PPP2R2D: variants seen among roughly 807,000 people sequenced by gnomAD.
PPP2R2D encodes the protein serine/threonine-protein phosphatase 2A 55 kDa regulatory subunit B delta isoform.
In PPP2R2D, 9 loss-of-function variants were observed where a neutral mutation model predicts 31.1. The ratio of observed to expected loss-of-function variants is 0.29; its 90% CI spans 0.17 to 0.51. PPP2R2D has a LOEUF of 0.51. Among genes scored for constraint, PPP2R2D ranks in the 20% least tolerant of loss-of-function variants. The pLI, the probability that PPP2R2D is intolerant of heterozygous loss-of-function variation, is 0.98. For missense variants in PPP2R2D, 391 were observed against 465.6 expected (o/e 0.84, Z 1.48); for synonymous variants, 179 against 172.6 (o/e 1.04, Z -0.29).
At chr10:131,930,506 T>G (rs1441467928) in intron 2 of PPP2R2D, among the ~76,000 whole-genome samples, 1 of 152,256 alleles carries the variant, frequency 6.6e-6, no homozygotes, top group African/African-American at 2.4e-5. Flanking sequence ...TTCGAAAACA[T>G]TTTTACTGCT....
intron 3 of PPP2R2D, among the ~76,000 whole-genome samples, chr10:131,938,123 A>C (rs2036377325): frequency 6.6e-6 from 1 of 152,058 alleles, no homozygotes; most frequent in African/African-American, 2.4e-5. Flanking sequence ...CTGCCCGTGG[A>C]GGCTTCGGTG....
intron 2 of PPP2R2D, among the ~76,000 whole-genome samples, chr10:131,916,322 A>G (rs1292634652): frequency 7.7e-6 from 1 of 130,054 alleles, no homozygotes; most frequent in African/African-American, 3.1e-5. Context: ...AGGTTGGCAT[A>G]GATTGGGATT....
intron 2 of PPP2R2D, among the ~76,000 whole-genome samples, chr10:131,918,292 G>A (rs1412180202): frequency 6.7e-6 from 1 of 149,330 alleles, no homozygotes; most frequent in African/African-American, 2.5e-5. Flanking sequence ...CGGGTGGAAT[G>A]ACACGGTGTA....
chr10:131,909,020 A>T (rs2035642220), intron 2 of PPP2R2D, among the ~76,000 whole-genome samples: 3 of 152,254 alleles, frequency 2.0e-5, no homozygotes, highest in Non-Finnish European at 4.4e-5. Context: ...GGACCAGAGC[A>T]CACTGAGGCA....
At chr10:131,970,861 C>G in the PPP2R2D span, 4 of 1,614,246 alleles carry the variant, frequency 2.5e-6, no homozygotes, top group Non-Finnish European at 3.4e-6. The surrounding 1 kb of genome is among the most constrained non-coding windows in gnomAD (Gnocchi z 4.1). Flanking sequence ...AGAACACACT[C>G]ACTTGGGGGG....
At chr10:131,968,823 G>A in the PPP2R2D span, 3 of 357,296 alleles carry the variant, frequency 8.4e-6, no homozygotes, top group African/African-American at 2.1e-5. Flanking sequence ...ACCGAATGCT[G>A]TTTCCACACA....
At chr10:131,905,749 G>A (rs2035571974) in intron 2 of PPP2R2D, among the ~76,000 whole-genome samples, 1 of 152,212 alleles carries the variant, frequency 6.6e-6, no homozygotes, top group Admixed American at 6.5e-5. Flanking sequence ...CAGGGCCAGG[G>A]TTTGGAGCCA....
chr10:131,965,990 A>G, the PPP2R2D span, among the ~76,000 whole-genome samples: 1 of 152,220 alleles, frequency 6.6e-6, no homozygotes, highest in Non-Finnish European at 1.5e-5. Flanking sequence ...ATATTTTAAT[A>G]CAATCATGTT....
intron 2 of PPP2R2D, among the ~76,000 whole-genome samples, chr10:131,925,980 C>A (rs1282136648): frequency 6.6e-6 from 1 of 152,142 alleles, no homozygotes; most frequent in Non-Finnish European, 1.5e-5. Context: ...GATTTATTTC[C>A]CTTACTGGGC....
At chr10:131,953,752 C>A (rs1220722826) in intron 8 of PPP2R2D, among the ~76,000 whole-genome samples, 1 of 96,356 alleles carries the variant, frequency 1.0e-5, no homozygotes, top group Non-Finnish European at 2.0e-5. Context: ...CGGGGGTTCA[C>A]TGTCTTAGTG....
intron 2 of PPP2R2D, among the ~76,000 whole-genome samples, chr10:131,913,273 C>T (rs1007088561): frequency 1.3e-5 from 2 of 151,416 alleles, no homozygotes; most frequent in South Asian, 4.2e-4. Context: ...TCAAGTGATC[C>T]GCCCACCTCG....
At chr10:131,952,759 G>C (rs1288446850) in intron 8 of PPP2R2D, among the ~76,000 whole-genome samples, 1 of 122,928 alleles carries the variant, frequency 8.1e-6, no homozygotes. Flanking sequence ...GGGTGTGCGG[G>C]GGGTTCACTG....
At chr10:131,907,618 C>T (rs1212929902) in intron 2 of PPP2R2D, among the ~76,000 whole-genome samples, 4 of 152,074 alleles carry the variant, frequency 2.6e-5, no homozygotes, top group African/African-American at 9.7e-5. Context: ...TCGCGGGCAC[C>T]TGTAGTCCCA....
intron 5 of PPP2R2D, among the ~76,000 whole-genome samples, 197 bp from the exon 6 acceptor site, chr10:131,943,771 A>G (rs896372427): frequency 6.6e-6 from 1 of 152,252 alleles, no homozygotes; most frequent in Admixed American, 6.5e-5. Context: ...AGCAAGGGGA[A>G]GACTTGGAAT....
In PPP2R2D at chr10:131,901,115, G is replaced by T. The variant is rs1238415544; in HGVS notation, c.-34G>T. ...GGCGCGGAGGCCGTCTCCCTGGTCT[G>T]CCGCGGTCCCCGCCCGTCCCGCCGC... is the stretch of plus-strand genomic sequence containing the variant. On this transcript the variant is annotated 5_prime_UTR_variant, in exon 1 of 9. Coordinates refer to ENST00000455566, the MANE Select transcript of PPP2R2D (RefSeq NM_018461.5). The T allele has an allele frequency of 4.3e-6, 1 of 234,126 alleles. No individual in the cohort carries two copies. The highest frequency in any genetic ancestry group is 2.3e-5 in the African/African-American group (1 of 42,862). 14.5% of individuals were successfully genotyped at this position (234,126 alleles called of 1,614,324 possible).
At chr10:131,927,728 C>T (rs2036134459) in intron 2 of PPP2R2D, among the ~76,000 whole-genome samples, 2 of 152,168 alleles carry the variant, frequency 1.3e-5, no homozygotes, top group South Asian at 4.1e-4. Context: ...GAATTGCACC[C>T]TAAGTCCTCT....
chr10:131,921,630 A>C (rs1377954452), intron 2 of PPP2R2D, among the ~76,000 whole-genome samples: 1 of 152,214 alleles, frequency 6.6e-6, no homozygotes, highest in Non-Finnish European at 1.5e-5. Context: ...TGAGGATTCA[A>C]AACAGCATGG....
Position 131,959,331 on chromosome 10 carries a change from T to G in PPP2R2D, c.*3368T>G, listed in dbSNP as rs1464852234. On this transcript the variant is annotated 3_prime_UTR_variant, in exon 9 of 9. Coordinates refer to ENST00000455566, the MANE Select transcript of PPP2R2D (RefSeq NM_018461.5). ...CTGATCCGCCATCCCCCTGTGGAGA[T>G]GAAGGCGTGTGCTCATCCCCCATCC... 1.4e-5 allele frequency: 2 copies of G among 146,658 alleles called. No homozygotes were observed. Among genetic ancestry groups the G allele is most frequent in the Admixed American group, 7.5e-5 (1 of 13,354 alleles). 9.1% of individuals were successfully genotyped at this position (146,658 alleles called of 1,614,324 possible). A position where few individuals can be genotyped will look rare whatever the true frequency, so the allele number is the denominator to read the frequency against.
intron 2 of PPP2R2D, among the ~76,000 whole-genome samples, chr10:131,902,387 C>T (rs1005269910): frequency 6.6e-6 from 1 of 152,144 alleles, no homozygotes; most frequent in East Asian, 1.9e-4. Flanking sequence ...CTTTTACTCC[C>T]TCTTCCCTAC....
Sources: gnomAD v4.1 joint callset for allele counts (sites outside exome capture counted in the v4.1 genomes callset) on GRCh38, gnomAD v4.1.1 for gene constraint, Gnocchi (gnomAD v3.1) non-coding constraint, MANE v1.5 for transcripts, NCBI Gene and HGNC (gene_info 2026-07-23, HGNC 2026-07-21) for gene names.